The following PDE11A variants were observed in gnomAD, a reference collection of about 807,000 sequenced individuals.
The protein encoded by PDE11A is phosphodiesterase 11A.
In PDE11A, 100 loss-of-function variants were observed where a neutral mutation model predicts 100.5. The observed-to-expected ratio is 1.00, with a 90% CI of 0.85 to 1.18. PDE11A has a LOEUF of 1.18. Ranked by LOEUF, PDE11A falls within the 50% of genes most tolerant of loss-of-function variation. The pLI is 0.00. For synonymous variants in PDE11A, 381 were observed against 420.8 expected (o/e 0.91, Z 1.16); for missense variants, 1,141 against 1,152.6 (o/e 0.99, Z 0.15).
intron 2 of PDE11A, among the ~76,000 whole-genome samples, chr2:178,084,576 G>T (rs940525452): frequency 1.3e-5 from 2 of 152,194 alleles, no homozygotes; most frequent in African/African-American, 4.8e-5. Context: ...GAGCAGGCAG[G>T]CTGCAAGCAA....
chr2:177,851,656 T>C (rs564985862), intron 5 of PDE11A, among the ~76,000 whole-genome samples: 2 of 152,152 alleles, frequency 1.3e-5, no homozygotes, highest in African/African-American at 2.4e-5. Context: ...CCAACCAATA[T>C]ATTGTGTGGT....
chr2:177,709,461 A>C (rs1574067069), intron 13 of PDE11A, among the ~76,000 whole-genome samples: 2 of 152,238 alleles, frequency 1.3e-5, no homozygotes, highest in Non-Finnish European at 2.9e-5. Flanking sequence ...TAGAGAATAC[A>C]AGAAAGAGGC....
intron 9 of PDE11A, among the ~76,000 whole-genome samples, chr2:177,814,836 A>T (rs2083011074): frequency 6.6e-6 from 1 of 152,182 alleles, no homozygotes; most frequent in African/African-American, 2.4e-5. Context: ...ACTGTGGCTC[A>T]TTGGGGTAGG....
At chr2:177,661,771 G>A (rs942197562) in intron 19 of PDE11A, among the ~76,000 whole-genome samples, 1 of 152,176 alleles carries the variant, frequency 6.6e-6, no homozygotes, top group African/African-American at 2.4e-5. Flanking sequence ...ATGAGCTTCT[G>A]TAAATAGCTC....
intron 5 of PDE11A, among the ~76,000 whole-genome samples, chr2:177,860,665 T>G (rs1172001939): frequency 6.6e-6 from 1 of 151,692 alleles, no homozygotes; most frequent in Non-Finnish European, 1.5e-5. Flanking sequence ...TATAGACCCT[T>G]ATAAATATAG....
intron 1 of PDE11A, among the ~76,000 whole-genome samples, chr2:178,055,448 G>GT (rs1221449938): frequency 1.3e-5 from 2 of 152,194 alleles, no homozygotes; most frequent in East Asian, 3.9e-4. Flanking sequence ...GTGTACATAT[G>GT]TAACAAACCT....
At position 177,879,645 on chromosome 2, in the gene PDE11A, T is replaced by A. The variant is rs929034709; in HGVS notation, c.1303-3722A>T. On this transcript the variant is annotated intron_variant, in intron 4 of 19. Transcript: ENST00000286063. ...CTTAAGAAAACAAATGTGAGAAATG[T>A]CCAGAGAATGAAAGAAAATAAAGAT... 3.9e-5 allele frequency among the ~76,000 whole-genome samples: 6 copies of A among 152,222 alleles called. No homozygotes were observed. The East Asian group carries it at 7.7e-4, about 20-fold the overall frequency.
chr2:178,104,886 T>G (rs1185438401), intron 1 of PDE11A, among the ~76,000 whole-genome samples: 1 of 152,158 alleles, frequency 6.6e-6, no homozygotes, highest in Non-Finnish European at 1.5e-5. Flanking sequence ...TATTTAAAAA[T>G]AAGAATAGAA....
chr2:177,967,487 C>T (rs571628315), intron 2 of PDE11A, among the ~76,000 whole-genome samples: 2 of 152,184 alleles, frequency 1.3e-5, no homozygotes, highest in Admixed American at 1.3e-4. Context: ...GTGTGAGTGA[C>T]TATGCCCAGC....
chr2:177,851,612 G>A (rs1266561684), intron 5 of PDE11A, among the ~76,000 whole-genome samples: 1 of 152,218 alleles, frequency 6.6e-6, no homozygotes, highest in African/African-American at 2.4e-5. Context: ...AGGATACACG[G>A]TGGAAGTGGT....
chr2:178,021,741 A>T (rs186580812), intron 1 of PDE11A, among the ~76,000 whole-genome samples: 3 of 152,348 alleles, frequency 2.0e-5, no homozygotes, highest in Non-Finnish European at 4.4e-5. Context: ...AAGAAAGTGA[A>T]GTGTTTAAGG....
intron 3 of PDE11A, among the ~76,000 whole-genome samples, chr2:177,903,878 C>G (rs1223431358): frequency 6.6e-6 from 1 of 151,966 alleles, no homozygotes; most frequent in Non-Finnish European, 1.5e-5. Flanking sequence ...TGCTGGAGTT[C>G]CAGATGAAAG....
chr2:177,970,391 T>C (rs1050824744), intron 2 of PDE11A, among the ~76,000 whole-genome samples: 1 of 152,056 alleles, frequency 6.6e-6, no homozygotes, highest in Non-Finnish European at 1.5e-5. Flanking sequence ...CTAGGTCACA[T>C]CGATAGACTT....
At chr2:177,702,496 G>A (rs931890140) in intron 13 of PDE11A, 2 of 152,096 alleles carry the variant, frequency 1.3e-5, no homozygotes, top group Non-Finnish European at 2.9e-5. Flanking sequence ...AGGGGGCTTC[G>A]ATATTGAAAG....
rs768524227 is a variant in PDE11A at position 177,627,017 on chromosome 2, C to CTTTTTTTTTT, written c.*2380_*2389dup. On this transcript the variant is annotated 3_prime_UTR_variant, in exon 20 of 20. Transcript: ENST00000286063. ...TATTCCCCTCTTAGTCTGGTTTATA[C>CTTTTTTTTTT]TTTTTTTTTTTTTTTTTTTTTTTTT... 2.4e-5 allele frequency: 1 copy of CTTTTTTTTTT among 40,954 alleles called. No homozygotes were observed. Among genetic ancestry groups the CTTTTTTTTTT allele is most frequent in the African/African-American group, 1.4e-4 (1 of 7,036 alleles). The allele number at this position is 40,954 out of a possible 1,614,324, so 2.5% of individuals were successfully genotyped here.
In PDE11A at chr2:177,886,177, A is replaced by G. The variant is rs535976862; in HGVS notation, c.1303-10254T>C. Among the ~76,000 whole-genome samples, 10 of 152,342 alleles carry G rather than the reference A, an allele frequency of 6.6e-5. No homozygotes were observed. In the East Asian group the frequency reaches 1.9e-3, roughly 29 times the overall value. ...AGGTTCATAGGATGGAATAACAGTAAGCAGGGAATATTCAGTTCAAGGAGC... is the reference window on the plus strand; with the variant it reads ...AGGTTCATAGGATGGAATAACAGTAGGCAGGGAATATTCAGTTCAAGGAGC... On this transcript the variant is annotated intron_variant, in intron 4 of 19. Transcript: ENST00000286063.
chr2:177,669,039 A>G (rs1038814447), intron 18 of PDE11A, among the ~76,000 whole-genome samples: 3 of 152,222 alleles, frequency 2.0e-5, no homozygotes, highest in African/African-American at 7.2e-5. Context: ...CCCAGGTGAA[A>G]CTTTTTCATT....
chr2:177,651,112 T>C (rs921165242), intron 19 of PDE11A, among the ~76,000 whole-genome samples: 2 of 152,198 alleles, frequency 1.3e-5, no homozygotes, highest in African/African-American at 4.8e-5. Flanking sequence ...CTTGGTATTG[T>C]GAAGAGAATT....
intron 2 of PDE11A, 69 bp from the exon 3 acceptor site, chr2:177,905,256 G>T: frequency 1.2e-6 from 1 of 830,088 alleles, no homozygotes; most frequent in Non-Finnish European, 2.1e-6. Flanking sequence ...AGACTAAATT[G>T]CACACTTCTT....
Sources: gnomAD v4.1 joint callset for allele counts (sites outside exome capture counted in the v4.1 genomes callset) on GRCh38, gnomAD v4.1.1 for gene constraint, MANE v1.5 for transcripts, NCBI Gene and HGNC (gene_info 2026-07-23, HGNC 2026-07-21) for gene names.